Variants in AHNAK2 observed in about 807,000 individuals in gnomAD.
AHNAK2 encodes the protein AHNAK nucleoprotein 2.
In AHNAK2, 18 loss-of-function variants were observed where a neutral mutation model predicts 30.7. The ratio of observed to expected loss-of-function variants is 0.59; its 90% confidence interval spans 0.41 to 0.87. AHNAK2 has a LOEUF of 0.87. AHNAK2 is among the 40% of genes least tolerant of loss of function. The probability of loss-of-function intolerance (pLI) is 0.00; values close to 1 mark genes in which losing one functional copy is unlikely to be tolerated. For missense variants in AHNAK2, 8,604 were observed against 7,373.0 expected (o/e 1.17, Z -6.11); for synonymous variants, 3,590 against 3,073.8 (o/e 1.17, Z -5.56).
rs375443195 is a variant in AHNAK2 at position 104,948,812 on chromosome 14, C to A, written c.6639G>T (p.Gln2213His). The A allele has an allele frequency of 2.5e-6, 4 of 1,612,422 alleles. No individual in the cohort carries two copies. The highest frequency in any genetic ancestry group is 3.4e-6 in the Non-Finnish European group (4 of 1,179,616). The change falls in exon 7 of 7, where the codon CAG (glutamine) becomes CAT (histidine). Residue 2213 changes from glutamine to histidine, a missense_variant. Coordinates refer to ENST00000333244, the MANE Select transcript of AHNAK2 (RefSeq NM_138420.4). ...IQPLSADVKV[Q>H]AGQVDVKLLE... is the part of the protein sequence containing the mutation. ...GGAGTTTCACGTCCACCTGGCCAGC[C>A]TGGACCTTCACGTCGGCGGAAAGGG...
In AHNAK2 at chr14:104,950,621, C is replaced by G. The variant is rs531354339; in HGVS notation, c.4830G>C (p.Val1610=). The part of the protein sequence containing the change: ...GPKLDLKGPK[V]EVTAPDVKMS... ...TCTTCACATCGGGGGCTGTCACTTC[C>G]ACCTTGGGGCCTTTCAGGTCCAGCT... The change falls in exon 7 of 7, where the codon GTG becomes GTC. Residue 1610 remains valine, a synonymous_variant. Coordinates refer to ENST00000333244, the MANE Select transcript of AHNAK2 (RefSeq NM_138420.4). The G allele has an allele frequency of 6.3e-7, 1 of 1,587,144 alleles. No individual in the cohort carries two copies. The highest frequency in any genetic ancestry group is 8.6e-7 in the Non-Finnish European group (1 of 1,162,810).
At chr14:104,970,406 G>A (rs1238212524) in intron 1 of AHNAK2, 14 of 985,102 alleles carry the variant, frequency 1.4e-5, no homozygotes, top group Non-Finnish European at 1.7e-5. Context: ...ACAGACCCGC[G>A]GAAGAGTGAG....
In AHNAK2 at chr14:104,954,511, C is replaced by T. The variant is rs548685556; in HGVS notation, c.940G>A (p.Gly314Arg). 1.9e-6 allele frequency: 3 copies of T among 1,612,298 alleles called. No individual in the cohort carries two copies. Among genetic ancestry groups the T allele is most frequent in the African/African-American group, 1.3e-5 (1 of 75,048 alleles). The change falls in exon 7 of 7, where the codon GGG becomes AGG. Residue 314 changes from glycine to arginine, a missense_variant. By Grantham distance (125) the Gly-to-Arg change is moderately radical (BLOSUM62 -2). Transcript: ENST00000333244. This position sits in a 1 kb window ranked among gnomAD's most constrained non-coding sequence, Gnocchi z 4.3. ...TTCCGCCTCCTCTGGCTGCCCGGCCCTGCCTTCTGCTCTTGGCGCTCCACC... is the reference window on the plus strand; with the variant it reads ...TTCCGCCTCCTCTGGCTGCCCGGCCTTGCCTTCTGCTCTTGGCGCTCCACC... Reference protein sequence around the residue: ...LTVERQEQKAGPGSQRRRKFL... With the variant: ...LTVERQEQKARPGSQRRRKFL...
At position 104,950,761 on chromosome 14, in the gene AHNAK2, C is replaced by T; in HGVS notation, c.4690G>A (p.Gly1564Ser). 6.3e-7 allele frequency: 1 copy of T among 1,587,348 alleles called. No homozygotes were observed. The highest frequency in any genetic ancestry group is 1.1e-5 in the South Asian group (1 of 89,776). ...AGGCCGGCTCCCTCGGACACAGGGC[C>T]CTCTGGGAGTTTCACGTCCACTTGG... The part of the protein sequence containing the change: ...AGQVDVKLPE[G>S]PVSEGAGLKG... The change falls in exon 7 of 7, where the codon GGC (glycine) becomes AGC (serine). Residue 1564 changes from glycine to serine, a missense_variant. Physicochemically the swap from Gly to Ser is moderately conservative, Grantham distance 56. Coordinates refer to ENST00000333244, the MANE Select transcript of AHNAK2 (RefSeq NM_138420.4).
Position 104,952,358 on chromosome 14 carries a change from G to A in AHNAK2, c.3093C>T (p.Asp1031=), listed in dbSNP as rs1282423730. The change falls in exon 7 of 7, where the codon GAC becomes GAT. Residue 1031 remains aspartate, a synonymous_variant. Transcript: ENST00000333244. The part of the protein sequence containing the change: ...VDVSAPKVEA[D]LSLPSMQGDL... ...CCCCCTGCATGGAGGGGAGACTCAG[G>A]TCGGCCTCCACCTTGGGTGCAGACA... 3.7e-6 allele frequency: 6 copies of A among 1,612,642 alleles called. No homozygotes were observed. The highest frequency in any genetic ancestry group is 3.3e-5 in the Admixed American group (2 of 59,914).
Position 104,946,163 on chromosome 14 carries a change from G to A in AHNAK2, c.9288C>T (p.Asp3096=), listed in dbSNP as rs369645081. The A allele has an allele frequency of 3.6e-4, 571 of 1,602,546 alleles. No individual in the cohort carries two copies. The highest frequency in any genetic ancestry group is 4.6e-4 in the Non-Finnish European group (536 of 1,174,490). ...PKLDLKGPKT[D]VTAPDVEVSQ... ...ACACCTCCACGTCGGGGGCCGTCACGTCCGTCTTCGGGCCTTTCAGGTCCA... is the reference window on the plus strand; with the variant it reads ...ACACCTCCACGTCGGGGGCCGTCACATCCGTCTTCGGGCCTTTCAGGTCCA... The change falls in exon 7 of 7, where the codon GAC becomes GAT. Residue 3096 remains aspartate (D), a synonymous_variant. Transcript: ENST00000333244.
At chr14:104,973,142 G>A (rs907490183) in intron 1 of AHNAK2, among the ~76,000 whole-genome samples, 6 of 152,348 alleles carry the variant, frequency 3.9e-5, no homozygotes, top group Non-Finnish European at 8.8e-5. Flanking sequence ...ATCAGCTGGA[G>A]GGACGGCAAG....
chr14:104,939,539 T>G lies in AHNAK2; in HGVS notation c.15912A>C (p.Gly5304=). 6.2e-7 allele frequency: 1 copy of G among 1,613,360 alleles called. No individual in the cohort carries two copies. Among genetic ancestry groups the G allele is most frequent in the Non-Finnish European group, 8.5e-7 (1 of 1,179,808 alleles). ...TSEVRIHPSK[G]PLPFQMPGMR... is the part of the protein sequence containing the mutation. ...TGCCAGGCATCTGAAAAGGGAGAGGTCCTTTGGATGGATGGATCCTGACCT... is the reference window on the plus strand; with the variant it reads ...TGCCAGGCATCTGAAAAGGGAGAGGGCCTTTGGATGGATGGATCCTGACCT... The change falls in exon 7 of 7, where the codon GGA becomes GGC. Residue 5304 remains glycine (G), a synonymous_variant. Transcript: ENST00000333244.
In AHNAK2 at chr14:104,939,669, T is replaced by G. The variant is rs1426946604; in HGVS notation, c.15782A>C (p.Glu5261Ala). Residue 5261 changes from glutamate to alanine, a missense_variant, in exon 7 of 7, where the codon GAG becomes GCG. Coordinates refer to ENST00000333244, the MANE Select transcript of AHNAK2 (RefSeq NM_138420.4). The stretch of plus-strand genomic sequence containing the variant: ...TAGAATATCTGTGGATGATTTGCTC[T>G]CAGAAGCTGTCACTTCTGCATCTGC... ...PEADAEVTASESKSSTDILRC... is the reference protein window; with the variant it reads ...PEADAEVTASASKSSTDILRC... The G allele has an allele frequency of 6.2e-7, 1 of 1,613,918 alleles. No individual in the cohort carries two copies. Among genetic ancestry groups the G allele is most frequent in the Admixed American group, 1.7e-5 (1 of 60,018 alleles).
rs772936043 is a variant in AHNAK2, at chr14:104,952,789, C to T, written c.2662G>A (p.Ala888Thr). The T allele has an allele frequency of 3.4e-5, 54 of 1,611,180 alleles. 1 individual carries two copies. Among genetic ancestry groups the T allele is most frequent in the East Asian group, 9.0e-5 (4 of 44,690 alleles). Residue 888 changes from alanine (A) to threonine (T), a missense_variant, in exon 7 of 7, where the codon GCT (alanine) becomes ACT (threonine). Transcript: ENST00000333244. ...TGGCCAGCCTGGACCTCCAGGTCAG[C>T]GGAAGGGGGCTGAATGCTGAGGTCA... ...ATDLSIQPPS[A>T]DLEVQAGQVD...
In AHNAK2 at chr14:104,950,807, A is replaced by C. The variant is rs376056289; in HGVS notation, c.4644T>G (p.Ala1548=). 7.6e-6 allele frequency: 12 copies of C among 1,584,916 alleles called. 1 individual carries two copies. The African/African-American group carries it at 9.6e-5, about 13-fold the overall frequency. ...CTTGGCCAGCCTGGACCTCCAGGTCAGCAGAAGGGGGCTGTATGCTCAGGT... is the reference window on the plus strand; with the variant it reads ...CTTGGCCAGCCTGGACCTCCAGGTCCGCAGAAGGGGGCTGTATGCTCAGGT... ...ATDLSIQPPS[A]DLEVQAGQVD... is the part of the protein sequence containing the mutation. Residue 1548 remains alanine (A), a synonymous_variant, in exon 7 of 7, where the codon GCT becomes GCG. Coordinates refer to ENST00000333244, the MANE Select transcript of AHNAK2 (RefSeq NM_138420.4).
chr14:104,970,316 C>T (rs952353617), intron 1 of AHNAK2: 26 of 649,170 alleles, frequency 4.0e-5, no homozygotes, highest in East Asian at 1.4e-4. Context: ...CACCCCTGCC[C>T]GTCTGTCAGC....
At position 104,945,596 on chromosome 14, in the gene AHNAK2, C is replaced by T. The variant is rs1189388072; in HGVS notation, c.9855G>A (p.Leu3285=). Residue 3285 remains leucine, a synonymous_variant, in exon 7 of 7, where the codon TTG becomes TTA. Transcript: ENST00000333244. ...EVDVEAPGAK[L]DGARLEGDLS... is the part of the protein sequence containing the mutation. ...GGTCCCCCTCCAGCCGTGCACCATC[C>T]AACTTGGCTCCTGGGGCCTCGACGT... 1 of 1,605,372 alleles carries T rather than the reference C, an allele frequency of 6.2e-7. No individual in the cohort carries two copies. Among genetic ancestry groups the T allele is most frequent in the African/African-American group, 1.4e-5 (1 of 73,822 alleles).
chr14:104,944,676 A>G lies in AHNAK2; in HGVS notation c.10775T>C (p.Val3592Ala), dbSNP rs1236932845. The change falls in exon 7 of 7, where the codon GTG becomes GCG. Residue 3592 changes from valine (V) to alanine (A), a missense_variant. By Grantham distance (64) the Val-to-Ala change is moderately conservative. Transcript: ENST00000333244. ...AGACACCTCGACATCGGGGACTCTC[A>G]CTTCTGCCTTGGGGCCTTTCAGGTC... ...KLDLKGPKAE[V>A]RVPDVEVSLP... 6.2e-7 allele frequency: 1 copy of G among 1,612,802 alleles called. No individual in the cohort carries two copies. The highest frequency in any genetic ancestry group is 8.5e-7 in the Non-Finnish European group (1 of 1,179,524).
Position 104,955,123 on chromosome 14 carries a change from G to T in AHNAK2, c.485C>A (p.Thr162Lys). The T allele has an allele frequency of 6.2e-7, 1 of 1,610,562 alleles. No individual in the cohort carries two copies. The highest frequency in any genetic ancestry group is 8.5e-7 in the Non-Finnish European group (1 of 1,179,258). Residue 162 changes from threonine to lysine, a missense_variant, in exon 6 of 7, where the codon ACA becomes AAA. Thr to Lys is a moderately conservative substitution (Grantham distance 78). Coordinates refer to ENST00000333244, the MANE Select transcript of AHNAK2 (RefSeq NM_138420.4). ...NLREGDQLLS[T>K]TVFFENIKYE... Reference sequence around the variant, plus strand: ...TTTTATGTTTTCAAAGAACACGGTTGTACTGAGCAGCTGATCCCCTAGACC... The same window carrying T: ...TTTTATGTTTTCAAAGAACACGGTTTTACTGAGCAGCTGATCCCCTAGACC...
Position 104,945,032 on chromosome 14 carries a change from G to T in AHNAK2, c.10419C>A (p.Phe3473Leu), listed in dbSNP as rs1054769647. Residue 3473 changes from phenylalanine (F) to leucine (L), a missense_variant, in exon 7 of 7, where the codon TTC becomes TTA. Physicochemically the swap from Phe to Leu is conservative, Grantham distance 22. Coordinates refer to ENST00000333244, the MANE Select transcript of AHNAK2 (RefSeq NM_138420.4). ...AGGGCATCTTGAACTTGGGCATTTT[G>T]AACTTGCTGTCTTTGGCAGTCACAT... is the stretch of plus-strand genomic sequence containing the variant. ...EKDVTAKDSK[F>L]KMPKFKMPSF... The T allele has an allele frequency of 1.9e-6, 3 of 1,612,878 alleles. No homozygotes were observed. Among genetic ancestry groups the T allele is most frequent in the South Asian group, 2.2e-5 (2 of 91,028 alleles).
rs1379634565 is a variant in AHNAK2 at position 104,943,711 on chromosome 14, C to T, written c.11740G>A (p.Asp3914Asn). 6.2e-7 allele frequency: 1 copy of T among 1,613,036 alleles called. No individual in the cohort carries two copies. The highest frequency in any genetic ancestry group is 8.5e-7 in the Non-Finnish European group (1 of 1,179,582). Residue 3914 changes from aspartate (D) to asparagine (N), a missense_variant, in exon 7 of 7, where the codon GAC becomes AAC. Asp to Asn is a conservative substitution (Grantham distance 23). Coordinates refer to ENST00000333244, the MANE Select transcript of AHNAK2 (RefSeq NM_138420.4). ...PEIDIKGPKL[D>N]LKDPKVEVTA... Reference sequence around the variant, plus strand: ...ACTTCCACCTTGGGGTCTTTTAGGTCCAGCTTGGGGCCCTTGATGTCTATT... The same window carrying T: ...ACTTCCACCTTGGGGTCTTTTAGGTTCAGCTTGGGGCCCTTGATGTCTATT...
Position 104,944,657 on chromosome 14 carries a change from C to T in AHNAK2, c.10794G>A (p.Glu3598=). 1 of 1,613,224 alleles carries T rather than the reference C, an allele frequency of 6.2e-7. No homozygotes were observed. The highest frequency in any genetic ancestry group is 1.1e-5 in the South Asian group (1 of 91,038). ...PKAEVRVPDV[E]VSLPSVEVDV... ...CCACCTCCACGCTGGGCAGAGACAC[C>T]TCGACATCGGGGACTCTCACTTCTG... The change falls in exon 7 of 7, where the codon GAG becomes GAA. Residue 3598 remains glutamate (E), a synonymous_variant. Coordinates refer to ENST00000333244, the MANE Select transcript of AHNAK2 (RefSeq NM_138420.4).
chr14:104,942,848 G>A lies in AHNAK2; in HGVS notation c.12603C>T (p.Leu4201=). The change falls in exon 7 of 7, where the codon CTC becomes CTT. Residue 4201 remains leucine (L), a synonymous_variant. Transcript: ENST00000333244. ...EVQAGQVDVK[L]PEGPLPKGAG... is the part of the protein sequence containing the mutation. ...CTCCCTTGGGCAGGGGGCCCTCCGG[G>A]AGTTTCACGTCCACTTGGCCAGCCT... 1.9e-6 allele frequency: 3 copies of A among 1,612,956 alleles called. No individual in the cohort carries two copies. The highest frequency in any genetic ancestry group is 1.1e-5 in the South Asian group (1 of 91,022).
Sources: gnomAD v4.1 joint callset for allele counts (sites outside exome capture counted in the v4.1 genomes callset) on GRCh38, gnomAD v4.1.1 for gene constraint, Gnocchi (gnomAD v3.1) non-coding constraint, MANE v1.5 for transcripts, NCBI Gene and HGNC (gene_info 2026-07-23, HGNC 2026-07-21) for gene names.